Variants in LYST observed in about 807,000 individuals in gnomAD.
The protein encoded by LYST is lysosomal trafficking regulator.
A neutral mutation model predicts 413.6 loss-of-function variants in LYST; 192 were observed. The observed-to-expected ratio is 0.46, with a 90% CI of 0.41 to 0.52. The LOEUF is 0.52. Ranked by LOEUF, LYST falls within the 20% of genes least tolerant of loss-of-function variation. The probability of loss-of-function intolerance (pLI) is 0.00; values close to 1 mark genes in which losing one functional copy is unlikely to be tolerated. For synonymous variants in LYST, 1,525 were observed against 1,567.3 expected (o/e 0.97, Z 0.64); for missense variants, 3,815 against 4,499.9 (o/e 0.85, Z 4.35).
chr1:235,817,480 G>T (rs957787408), intron 3 of LYST, among the ~76,000 whole-genome samples: 3 of 152,074 alleles, frequency 2.0e-5, no homozygotes, highest in African/African-American at 7.2e-5. Flanking sequence ...CCCATCAACG[G>T]TAGACTGGAT....
At chr1:235,783,697 G>C (rs1024034101) in intron 14 of LYST, among the ~76,000 whole-genome samples, 1 of 152,080 alleles carries the variant, frequency 6.6e-6, no homozygotes, top group Admixed American at 6.6e-5. Context: ...AAGGGTGAAA[G>C]AAAACCTATT....
At chr1:235,804,429 C>A in intron 7 of LYST, 75 bp downstream of exon 7, 1 of 1,132,344 alleles carries the variant, frequency 8.8e-7, no homozygotes, top group Non-Finnish European at 1.3e-6. Flanking sequence ...CATTCATCAG[C>A]GTCCTAGTGT....
chr1:235,827,834 G>A (rs948007064), intron 3 of LYST: 1 of 804,314 alleles, frequency 1.2e-6, no homozygotes, highest in African/African-American at 1.9e-5. Flanking sequence ...AAAAGAGAAA[G>A]TATTCTATTT....
intron 18 of LYST, among the ~76,000 whole-genome samples, chr1:235,774,227 C>A (rs1050307699): frequency 2.0e-5 from 3 of 152,104 alleles, no homozygotes; most frequent in African/African-American, 7.2e-5. Flanking sequence ...GGGGTGAAAA[C>A]AAACAGCACT....
chr1:235,734,440 T>C (rs780040789), intron 32 of LYST, 43 bp downstream of exon 32: 5 of 1,465,742 alleles, frequency 3.4e-6, no homozygotes, highest in Non-Finnish European at 4.8e-6. Flanking sequence ...TCTTTATCTA[T>C]GATGGAATCT....
At position 235,788,540 on chromosome 1, in the gene LYST, T is replaced by C. The variant is rs537684816; in HGVS notation, c.4688+161A>G. On this transcript the variant is annotated intron_variant, in intron 13 of 52. Transcript: ENST00000389793. ...GATTTTTGGATAGAATAATACACTA[T>C]TATAAAAGTGGTATTAATAGCTGTT... Among the ~76,000 whole-genome samples the C allele has an allele frequency of 5.3e-5, 8 of 152,332 alleles. No homozygotes were observed. In the East Asian group the frequency reaches 1.3e-3, roughly 26 times the overall value.
chr1:235,777,561 C>T (rs146107518), intron 16 of LYST, among the ~76,000 whole-genome samples: 53 of 152,216 alleles, frequency 3.5e-4, no homozygotes, highest in African/African-American at 1.2e-3. Flanking sequence ...CAGCTTTGTT[C>T]GGTTTAGAAT....
intron 40 of LYST, among the ~76,000 whole-genome samples, chr1:235,720,396 A>AT (rs1663258540): frequency 1.3e-5 from 2 of 152,182 alleles, no homozygotes; most frequent in African/African-American, 4.8e-5. Context: ...GAGATGTTCT[A>AT]TTTTTTAAAG....
At chr1:235,786,133 G>A (rs546753123) in intron 14 of LYST, among the ~76,000 whole-genome samples, 1 of 152,258 alleles carries the variant, frequency 6.6e-6, no homozygotes, top group Admixed American at 6.5e-5. Context: ...TGAAATTACA[G>A]ATTCTGTTCT....
chr1:235,757,291 C>G lies in LYST; in HGVS notation c.7049G>C (p.Gly2350Ala), dbSNP rs746956055. 6.2e-7 allele frequency: 1 copy of G among 1,612,262 alleles called. No individual in the cohort carries two copies. The highest frequency in any genetic ancestry group is 8.5e-7 in the Non-Finnish European group (1 of 1,178,834). ...AGTATTTGCCCTTACTTTAATAACA[C>G]CTTGTTGTATAGCTGGTGATGGGTG... ...VNHPSPAIQQ[G>A]VIKLLDAYFA... Residue 2350 changes from glycine to alanine, a missense_variant, in exon 24 of 53, where the codon GGT becomes GCT. By Grantham distance (60) the Gly-to-Ala change is moderately conservative. Transcript: ENST00000389793.
intron 27 of LYST, among the ~76,000 whole-genome samples, chr1:235,751,584 C>T (rs1304315065): frequency 6.6e-6 from 1 of 152,264 alleles, no homozygotes; most frequent in South Asian, 2.1e-4. Flanking sequence ...AATATTAGCT[C>T]ATAAATTTAT....
intron 1 of LYST, among the ~76,000 whole-genome samples, chr1:235,865,265 C>T (rs1304585735): frequency 6.6e-6 from 1 of 152,128 alleles, no homozygotes; most frequent in Non-Finnish European, 1.5e-5. Flanking sequence ...AGGAAGCTTT[C>T]CCTGGCTGCC....
chr1:235,850,532 CTAAT>C (rs976474127), intron 1 of LYST, among the ~76,000 whole-genome samples: 2 of 152,000 alleles, frequency 1.3e-5, no homozygotes, highest in Non-Finnish European at 2.9e-5. Context: ...TAGCTGGGAC[CTAAT>C]TAAACTAAAG....
intron 3 of LYST, among the ~76,000 whole-genome samples, chr1:235,825,876 C>T (rs1675275653): frequency 6.6e-6 from 1 of 152,044 alleles, no homozygotes. Context: ...GCCAAACTTT[C>T]TTTAAAAACA....
Position 235,777,192 on chromosome 1 carries a change from T to C in LYST, c.5331A>G (p.Ser1777=), listed in dbSNP as rs750345692. 2.5e-6 allele frequency: 4 copies of C among 1,613,848 alleles called. No individual in the cohort carries two copies. In the East Asian group the frequency reaches 6.7e-5, roughly 27 times the overall value. The change falls in exon 17 of 53, where the codon TCA becomes TCG. Residue 1777 remains serine, a synonymous_variant. Coordinates refer to ENST00000389793, the MANE Select transcript of LYST (RefSeq NM_000081.4). The stretch of plus-strand genomic sequence containing the variant: ...CTAATAAGATGCTCTGAACTTCTTT[T>C]GAGCTGAAGGGTCTTTGAGAGAGTT... ...KTQLSQRPFS[S]KEVQSILLEP...
At chr1:235,687,251 A>C (rs577803584) in intron 47 of LYST, among the ~76,000 whole-genome samples, 4 of 152,318 alleles carry the variant, frequency 2.6e-5, no homozygotes, top group Non-Finnish European at 5.9e-5. Context: ...CAAATGTCTA[A>C]ATGTTGTTTC....
At position 235,787,522 on chromosome 1, in the gene LYST, G is replaced by A. The variant is rs12078578; in HGVS notation, c.4689-149C>T. ...GTGCTTGAAAAGTCAGTAGGTCTTC[G>A]TTTTATACCATAAGTTACTTAGTTA... is the stretch of plus-strand genomic sequence containing the variant. On this transcript the variant is annotated intron_variant, in intron 13 of 52. Coordinates refer to ENST00000389793, the MANE Select transcript of LYST (RefSeq NM_000081.4). 8,356 of 685,280 alleles carry A rather than the reference G, an allele frequency of 0.012. 473 individuals are homozygous for A. In the African/African-American group the frequency reaches 0.13, roughly 11 times the overall value. The allele number at this position is 685,280 out of a possible 1,614,324, so 42.4% of individuals were successfully genotyped here.
chr1:235,697,213 A>T lies in LYST; in HGVS notation c.10434T>A (p.Ala3478=). ...GGCTGAAGCAGACCACAGGTACTGG[A>T]GCACTGGGGGAACCCACGTATTCCC... ...KWGEYVGSPS[A]PVPVVCFSQP... is the part of the protein sequence containing the mutation. The change falls in exon 46 of 53, where the codon GCT becomes GCA. Residue 3478 remains alanine (A), a synonymous_variant. Coordinates refer to ENST00000389793, the MANE Select transcript of LYST (RefSeq NM_000081.4). 2 of 1,614,168 alleles carry T rather than the reference A, an allele frequency of 1.2e-6. No individual in the cohort carries two copies. The highest frequency in any genetic ancestry group is 1.3e-5 in the African/African-American group (1 of 75,048).
At chr1:235,714,441 C>T (rs533388796) in intron 42 of LYST, among the ~76,000 whole-genome samples, 9 of 152,068 alleles carry the variant, frequency 5.9e-5, no homozygotes, top group African/African-American at 2.2e-4. Context: ...TAGGAAAGCC[C>T]CTTTTATAGA....
Sources: allele counts gnomAD v4.1 joint callset (sites outside exome capture counted in the v4.1 genomes callset), GRCh38; gene constraint gnomAD v4.1.1; transcripts MANE v1.5; gene names NCBI Gene and HGNC (gene_info 2026-07-23, HGNC 2026-07-21).